Variants in CNTN6 observed in about 807,000 individuals in gnomAD.
The protein encoded by CNTN6 is contactin-6.
Under a neutral mutation model 122.8 loss-of-function variants are expected in CNTN6, and 137 were observed. The observed-to-expected ratio is 1.12, with a 90% CI of 0.97 to 1.29. The LOEUF is 1.29. CNTN6 is among the 50% of genes most tolerant of loss of function. The probability of loss-of-function intolerance (pLI) is 0.00; values close to 1 mark genes in which losing one functional copy is unlikely to be tolerated. For missense variants in CNTN6, 1,634 were observed against 1,223.4 expected, an observed-to-expected ratio of 1.34 and a Z score of -5.01; for synonymous variants, 570 against 426.0, an observed-to-expected ratio of 1.34 and a Z score of -4.16.
chr3:1,267,972 CT>C (rs2094953581), intron 4 of CNTN6, among the ~76,000 whole-genome samples: 1 of 152,110 alleles, frequency 6.6e-6, no homozygotes, highest in Admixed American at 6.5e-5. Flanking sequence ...AAGATTTGGC[CT>C]TTTCTGGATA....
intron 20 of CNTN6, among the ~76,000 whole-genome samples, chr3:1,398,786 C>G (rs1695294895): frequency 6.6e-6 from 1 of 152,084 alleles, no homozygotes; most frequent in Admixed American, 6.6e-5. Context: ...CATCAAAGCC[C>G]AACTCTTCTC....
chr3:1,111,289 A>T (rs2091468670), intron 1 of CNTN6, among the ~76,000 whole-genome samples: 1 of 152,186 alleles, frequency 6.6e-6, no homozygotes, highest in East Asian at 1.9e-4. Context: ...AGTTCAAATT[A>T]GTAACAATCA....
At chr3:1,402,598 A>G (rs1695865250) in intron 22 of CNTN6, 112 bp downstream of exon 22, 1 of 904,346 alleles carries the variant, frequency 1.1e-6, no homozygotes, top group East Asian at 2.7e-5. Flanking sequence ...GATAAGATAA[A>G]TTTTCAATTG....
intron 20 of CNTN6, among the ~76,000 whole-genome samples, chr3:1,387,931 A>G (rs894286659): frequency 3.3e-5 from 5 of 152,052 alleles, no homozygotes; most frequent in East Asian, 1.9e-4. Flanking sequence ...AATCTCGCTG[A>G]TTGCTAGCAC....
rs528584550 is a variant in CNTN6 at position 1,175,791 on chromosome 3, G to A, written c.55+27728G>A. 2.0e-4 allele frequency among the ~76,000 whole-genome samples: 29 copies of A among 143,616 alleles called. No homozygotes were observed. The South Asian group carries it at 5.5e-3, about 27-fold the overall frequency. 94.2% of individuals were successfully genotyped at this position (143,616 alleles called of 152,430 possible). A position where few individuals can be genotyped will look rare whatever the true frequency, so the allele number is the denominator to read the frequency against. On this transcript the variant is annotated intron_variant, in intron 2 of 22. Transcript: ENST00000446702. ...AGCCAAAATAGCAATAGTGTGATGCGGGACTCTTGCTGTAGCAACAGAACT... is the reference window on the plus strand; with the variant it reads ...AGCCAAAATAGCAATAGTGTGATGCAGGACTCTTGCTGTAGCAACAGAACT...
intron 2 of CNTN6, among the ~76,000 whole-genome samples, chr3:1,207,242 C>T (rs974495819): frequency 6.6e-6 from 1 of 152,074 alleles, no homozygotes; most frequent in Non-Finnish European, 1.5e-5. Flanking sequence ...ACCTATCCCT[C>T]CATTTCCTTA....
chr3:1,383,637 G>GT (rs1692283415), intron 19 of CNTN6, among the ~76,000 whole-genome samples: 1 of 149,714 alleles, frequency 6.7e-6, no homozygotes, highest in Non-Finnish European at 1.5e-5. Flanking sequence ...TGAGCCAGTG[G>GT]TAAAAAAACA....
chr3:1,252,253 A>G (rs781346904), intron 4 of CNTN6, among the ~76,000 whole-genome samples: 14 of 152,218 alleles, frequency 9.2e-5, no homozygotes, highest in South Asian at 2.1e-4. Context: ...TGTGGGAAGA[A>G]CAGCCTTTTC....
chr3:1,335,782 A>T (rs1702961545), intron 11 of CNTN6, among the ~76,000 whole-genome samples: 1 of 152,124 alleles, frequency 6.6e-6, no homozygotes, highest in South Asian at 2.1e-4. Context: ...TAATCCCAGC[A>T]CTTTGGGAGG....
At chr3:1,286,944 T>C (rs747318078) in intron 5 of CNTN6, among the ~76,000 whole-genome samples, 6 of 152,120 alleles carry the variant, frequency 3.9e-5, no homozygotes, top group Non-Finnish European at 8.8e-5. Context: ...AAACAGACTT[T>C]AAACCAACAA....
At chr3:1,224,332 A>G (rs1016490474) in intron 3 of CNTN6, among the ~76,000 whole-genome samples, 2 of 152,110 alleles carry the variant, frequency 1.3e-5, no homozygotes, top group African/African-American at 4.8e-5. Context: ...GACAGGAGGA[A>G]TAAGTTCTGG....
chr3:1,127,952 G>A (rs1033015660), intron 1 of CNTN6, among the ~76,000 whole-genome samples: 5 of 151,908 alleles, frequency 3.3e-5, no homozygotes, highest in African/African-American at 7.2e-5. Context: ...TTTAAATTGA[G>A]TGAGCACAGT....
At chr3:1,289,532 A>G (rs527386638) in intron 5 of CNTN6, among the ~76,000 whole-genome samples, 2 of 152,282 alleles carry the variant, frequency 1.3e-5, no homozygotes, top group African/African-American at 4.8e-5. Context: ...AAACTAAGAG[A>G]CAGCCTTTTC....
rs200335283 is a variant in CNTN6 at position 1,387,321 on chromosome 3, T to TAACA, written c.2704+1526_2704+1529dup. 4.1e-3 allele frequency among the ~76,000 whole-genome samples: 617 copies of TAACA among 152,266 alleles called. 6 individuals carry two copies. Among genetic ancestry groups the TAACA allele is most frequent in the African/African-American group, 0.014 (583 of 41,522 alleles). ...GAGTTATTTTCAAGAATGGATTAGT[T>TAACA]AACAATGAAGTTCTATTCCTTTTCC... On this transcript the variant is annotated intron_variant, in intron 20 of 22. Transcript: ENST00000446702.
chr3:1,275,184 C>G (rs1414412364), intron 4 of CNTN6, among the ~76,000 whole-genome samples: 5 of 152,140 alleles, frequency 3.3e-5, no homozygotes, highest in Non-Finnish European at 5.9e-5. Context: ...CAGTCTCTTT[C>G]CTTACTTGAT....
At chr3:1,372,817 T>C in intron 13 of CNTN6, 21 bp from the exon 14 acceptor site, 1 of 1,439,384 alleles carries the variant, frequency 6.9e-7, no homozygotes, top group Non-Finnish European at 9.7e-7. Flanking sequence ...TTTTTATCCA[T>C]TTCTCCCTTT....
chr3:1,106,631 A>C (rs1030647822), intron 1 of CNTN6, among the ~76,000 whole-genome samples: 4 of 152,120 alleles, frequency 2.6e-5, no homozygotes, highest in African/African-American at 9.7e-5. Flanking sequence ...ATAGCTTAGA[A>C]TAATCACCTT....
chr3:1,350,906 G>T (rs1233982788), intron 11 of CNTN6, among the ~76,000 whole-genome samples: 1 of 151,694 alleles, frequency 6.6e-6, no homozygotes, highest in Non-Finnish European at 1.5e-5. Flanking sequence ...CCTGAGTTTG[G>T]TGCATAATAG....
At chr3:1,384,757 A>G (rs1692542651) in intron 19 of CNTN6, among the ~76,000 whole-genome samples, 2 of 135,456 alleles carry the variant, frequency 1.5e-5, no homozygotes, top group Non-Finnish European at 3.1e-5. Flanking sequence ...ACACATATAT[A>G]TACATATATA....
Sources: gnomAD v4.1 joint callset for allele counts (sites outside exome capture counted in the v4.1 genomes callset) on GRCh38, gnomAD v4.1.1 for gene constraint, MANE v1.5 for transcripts, NCBI Gene and HGNC (gene_info 2026-07-23, HGNC 2026-07-21) for gene names.